CFAP20DC: variants seen among roughly 807,000 people sequenced by gnomAD.
The protein encoded by CFAP20DC is protein CFAP20DC.
A neutral mutation model predicts 101.7 loss-of-function variants in CFAP20DC; 84 were observed. The observed-to-expected ratio is 0.83, with a 90% CI of 0.69 to 0.99. The LOEUF is 0.99. CFAP20DC is among the 50% of genes least tolerant of loss of function. CFAP20DC has a pLI of 0.00. For missense variants in CFAP20DC, 1,007 were observed against 970.3 expected, an observed-to-expected ratio of 1.04 and a Z score of -0.50; for synonymous variants, 359 against 351.2, an observed-to-expected ratio of 1.02 and a Z score of -0.25.
downstream of CFAP20DC, among the ~76,000 whole-genome samples, chr3:58,741,454 A>C (rs1304912524): frequency 6.6e-6 from 1 of 151,940 alleles, no homozygotes; most frequent in Non-Finnish European, 1.5e-5. Flanking sequence ...TTCTATATAG[A>C]TCTAGATGAA....
At chr3:58,962,111 G>A (rs1414230481) in intron 4 of CFAP20DC, among the ~76,000 whole-genome samples, 1 of 152,062 alleles carries the variant, frequency 6.6e-6, no homozygotes, top group Non-Finnish European at 1.5e-5. Context: ...TTAGGTTATT[G>A]ATTTGGGAAT....
rs570081220 is a variant in CFAP20DC, at chr3:58,808,936, T to C, written c.2176-2480A>G. On this transcript the variant is annotated intron_variant, in intron 14 of 16. Transcript: ENST00000482387. Reference sequence around the variant, plus strand: ...AATCCTAGTCTCTGACAAAACAGACTTTAAACCAACAAAGATCAAAAGAGA... The same window carrying C: ...AATCCTAGTCTCTGACAAAACAGACCTTAAACCAACAAAGATCAAAAGAGA... 2.0e-5 allele frequency among the ~76,000 whole-genome samples: 3 copies of C among 152,046 alleles called. No individual in the cohort carries two copies. The East Asian group carries it at 5.8e-4, about 29-fold the overall frequency.
intron 4 of CFAP20DC, among the ~76,000 whole-genome samples, chr3:59,010,751 G>A (rs1166174161): frequency 3.9e-5 from 6 of 152,042 alleles, no homozygotes; most frequent in Admixed American, 6.6e-5. Context: ...ACAAATGCAG[G>A]ATATACATTC....
At chr3:58,743,759 C>T (rs993799697) in intron 16 of CFAP20DC, among the ~76,000 whole-genome samples, 2 of 152,084 alleles carry the variant, frequency 1.3e-5, no homozygotes, top group Non-Finnish European at 2.9e-5. Context: ...TCTTACTCAG[C>T]CAAAATCAGA....
intron 15 of CFAP20DC, among the ~76,000 whole-genome samples, chr3:58,755,221 G>A (rs2068853998): frequency 6.6e-6 from 1 of 152,076 alleles, no homozygotes; most frequent in Admixed American, 6.6e-5. Flanking sequence ...ACTACATTGT[G>A]GCTGGTGAAA....
chr3:58,796,079 C>T (rs745805159), intron 15 of CFAP20DC, among the ~76,000 whole-genome samples: 5 of 152,166 alleles, frequency 3.3e-5, no homozygotes, highest in East Asian at 1.9e-4. Context: ...AGTTGGTGCC[C>T]GGGTCAGTGT....
intron 5 of CFAP20DC, among the ~76,000 whole-genome samples, chr3:58,934,354 C>G (rs1448331753): frequency 6.6e-6 from 1 of 152,178 alleles, no homozygotes; most frequent in Non-Finnish European, 1.5e-5. Flanking sequence ...CAAGGAGGAA[C>G]TGGTACCATT....
chr3:58,997,438 T>A (rs1043084152), intron 4 of CFAP20DC, among the ~76,000 whole-genome samples: 1 of 152,164 alleles, frequency 6.6e-6, no homozygotes, highest in African/African-American at 2.4e-5. Flanking sequence ...AGGAAAACAA[T>A]GTCGCCATTT....
At chr3:58,968,504 T>C (rs2091740487) in intron 4 of CFAP20DC, among the ~76,000 whole-genome samples, 1 of 152,236 alleles carries the variant, frequency 6.6e-6, no homozygotes, top group South Asian at 2.1e-4. Context: ...GCTACATGTA[T>C]GTCTTCTTTT....
intron 4 of CFAP20DC, among the ~76,000 whole-genome samples, chr3:58,973,581 C>T (rs1251916196): frequency 2.0e-5 from 3 of 152,182 alleles, no homozygotes; most frequent in African/African-American, 7.2e-5. Context: ...AGAATGGAAT[C>T]TAAATTCCTA....
chr3:58,856,171 T>G (rs562712824), intron 12 of CFAP20DC, among the ~76,000 whole-genome samples: 6 of 151,564 alleles, frequency 4.0e-5, no homozygotes, highest in Admixed American at 3.3e-4. Flanking sequence ...ACACTAAGGA[T>G]GAGAACTGCA....
chr3:58,994,846 A>C lies in CFAP20DC; in HGVS notation c.278+44711T>G, dbSNP rs540322127. On this transcript the variant is annotated intron_variant, in intron 4 of 16. Transcript: ENST00000482387. ...AGAACCAAAAGACTTAAAAAAAAAA[A>C]CAAAAAGCAAAACCAACAATTCCGG... Among the ~76,000 whole-genome samples, 130 of 152,070 alleles carry C rather than the reference A, an allele frequency of 8.5e-4. 1 individual carries two copies. The highest frequency in any genetic ancestry group is 1.1e-3 in the Non-Finnish European group (73 of 67,986).
chr3:58,771,527 C>A (rs1473361348), intron 15 of CFAP20DC, among the ~76,000 whole-genome samples: 1 of 152,096 alleles, frequency 6.6e-6, no homozygotes, highest in African/African-American at 2.4e-5. Context: ...AAGCTACCCC[C>A]AAATATGCCA....
chr3:58,810,332 G>T (rs1225278665), intron 14 of CFAP20DC, among the ~76,000 whole-genome samples: 1 of 152,132 alleles, frequency 6.6e-6, no homozygotes, highest in Non-Finnish European at 1.5e-5. Context: ...AAATCCAGCA[G>T]CATATCAAAA....
intron 4 of CFAP20DC, among the ~76,000 whole-genome samples, chr3:58,974,096 G>A (rs2092123448): frequency 6.6e-6 from 1 of 152,096 alleles, no homozygotes; most frequent in South Asian, 2.1e-4. Flanking sequence ...GATCTAGAGG[G>A]GTGGAAGGGA....
chr3:58,762,230 G>T (rs936171201), intron 15 of CFAP20DC, among the ~76,000 whole-genome samples: 1 of 152,084 alleles, frequency 6.6e-6, no homozygotes, highest in Non-Finnish European at 1.5e-5. Context: ...CCTGTATTGG[G>T]TGCATATATA....
In CFAP20DC at chr3:58,849,264, G is replaced by T; in HGVS notation, c.1739C>A (p.Thr580Lys). 2 of 1,536,074 alleles carry T rather than the reference G, an allele frequency of 1.3e-6. No homozygotes were observed. The highest frequency in any genetic ancestry group is 2.4e-5 in the South Asian group (2 of 84,038). The change falls in exon 13 of 17, where the codon ACA becomes AAA. Residue 580 changes from threonine to lysine, a missense_variant. Transcript: ENST00000482387. The part of the protein sequence containing the change: ...LRSAYTEAGA[T>K]ESQDSSMEQI... ...CTCCATCGAGGAATCCTGGCTTTCT[G>T]TTGCTCCTGCTTCTGTGTAGGCGCT...
downstream of CFAP20DC, among the ~76,000 whole-genome samples, chr3:58,738,559 T>C (rs551403444): frequency 5.3e-5 from 8 of 152,372 alleles, no homozygotes; most frequent in African/African-American, 1.9e-4. The surrounding 1 kb of genome is among the most constrained non-coding windows in gnomAD (Gnocchi z 4.4). Flanking sequence ...ATGGTGTATA[T>C]GTACCACAAT....
At chr3:58,949,073 G>C (rs1207385677) in intron 4 of CFAP20DC, among the ~76,000 whole-genome samples, 1 of 152,132 alleles carries the variant, frequency 6.6e-6, no homozygotes, top group Non-Finnish European at 1.5e-5. Context: ...TAGTTTATTT[G>C]CGTAGAGGTG....
Sources: allele counts gnomAD v4.1 joint callset (sites outside exome capture counted in the v4.1 genomes callset), GRCh38; gene constraint gnomAD v4.1.1; non-coding constraint Gnocchi (gnomAD v3.1); transcripts MANE v1.5; gene names NCBI Gene and HGNC (gene_info 2026-07-23, HGNC 2026-07-21).